The following KIF26B variants were observed in gnomAD, a reference collection of about 807,000 sequenced individuals.
KIF26B encodes the protein kinesin-like protein KIF26B.
A neutral mutation model predicts 151.2 loss-of-function variants in KIF26B; 63 were observed. The observed-to-expected ratio is 0.42, with a 90% CI of 0.34 to 0.51. The LOEUF (loss-of-function observed/expected upper bound fraction) is 0.51. Ranked by LOEUF, KIF26B falls within the 20% of genes least tolerant of loss-of-function variation. KIF26B has a pLI of 0.07. For synonymous variants in KIF26B, 1,357 were observed against 1,262.1 expected, an observed-to-expected ratio of 1.08 and a Z score of -1.59; for missense variants, 2,813 against 2,913.6, an observed-to-expected ratio of 0.97 and a Z score of 0.79.
At chr1:245,612,172 C>T (rs1028452412) in intron 9 of KIF26B, among the ~76,000 whole-genome samples, 196 bp downstream of exon 9, 17 of 151,810 alleles carry the variant, frequency 1.1e-4, no homozygotes, top group South Asian at 4.2e-4. Context: ...TGCAGTGGCA[C>T]GATCACAGCT....
In KIF26B at chr1:245,377,071, C is replaced by T. The variant is rs111691945; in HGVS notation, c.999+9704C>T. Among the ~76,000 whole-genome samples, 514 of 152,078 alleles carry T rather than the reference C, an allele frequency of 3.4e-3. 1 individual carries two copies. The highest frequency in any genetic ancestry group is 0.011 in the African/African-American group (477 of 41,482). On this transcript the variant is annotated intron_variant, in intron 3 of 14. Transcript: ENST00000407071. ...CTGAGATTACAGGCACGCATCACCACGCCTGGCTAATTTTTGTACTTTTAG... is the reference window on the plus strand; with the variant it reads ...CTGAGATTACAGGCACGCATCACCATGCCTGGCTAATTTTTGTACTTTTAG...
At chr1:245,169,535 C>A (rs954052587) in intron 2 of KIF26B, among the ~76,000 whole-genome samples, 4 of 152,034 alleles carry the variant, frequency 2.6e-5, no homozygotes, top group African/African-American at 7.3e-5. Flanking sequence ...GATGGCTGAC[C>A]CTCTCGGCAG....
rs561325521 is a variant in KIF26B at position 245,205,627 on chromosome 1, A to G, written c.465+48944A>G. On this transcript the variant is annotated intron_variant, in intron 2 of 14. Coordinates refer to ENST00000407071, the MANE Select transcript of KIF26B (RefSeq NM_018012.4). Reference sequence around the variant, plus strand: ...AATCTTCCTGTGTAAAACTACTTCCATGATGTTCCTGCCACAGGATTTCGT... The same window carrying G: ...AATCTTCCTGTGTAAAACTACTTCCGTGATGTTCCTGCCACAGGATTTCGT... 3.9e-5 allele frequency among the ~76,000 whole-genome samples: 6 copies of G among 152,136 alleles called. No individual in the cohort carries two copies. In the South Asian group the frequency reaches 8.3e-4, roughly 21 times the overall value.
intron 4 of KIF26B, among the ~76,000 whole-genome samples, chr1:245,436,267 T>C (rs898162524): frequency 2.6e-5 from 4 of 152,150 alleles, no homozygotes; most frequent in African/African-American, 9.7e-5. Flanking sequence ...AGTTGGGAGA[T>C]TCTGCCAATG....
At chr1:245,539,708 A>G (rs1036442140) in intron 4 of KIF26B, among the ~76,000 whole-genome samples, 2 of 152,162 alleles carry the variant, frequency 1.3e-5, no homozygotes, top group Admixed American at 1.3e-4. Flanking sequence ...CCTGGAGAGC[A>G]GTGGCGCTAT....
chr1:245,663,459 T>C (rs1460205965), intron 10 of KIF26B, among the ~76,000 whole-genome samples: 1 of 152,180 alleles, frequency 6.6e-6, no homozygotes, highest in Non-Finnish European at 1.5e-5. Flanking sequence ...TTGTTGTTTA[T>C]TTGTGATCTA....
At chr1:245,203,100 A>C (rs1669333909) in intron 2 of KIF26B, among the ~76,000 whole-genome samples, 1 of 151,608 alleles carries the variant, frequency 6.6e-6, no homozygotes, top group Non-Finnish European at 1.5e-5. Context: ...TACAAAAATT[A>C]GCCAGGCATG....
chr1:245,638,377 T>C (rs896264319), intron 9 of KIF26B, among the ~76,000 whole-genome samples: 15 of 151,940 alleles, frequency 9.9e-5, no homozygotes, highest in Non-Finnish European at 2.2e-4. Context: ...AAAAGTTTTT[T>C]GGTGGAATCT....
chr1:245,395,097 T>C (rs990089925), intron 3 of KIF26B, among the ~76,000 whole-genome samples: 7 of 137,618 alleles, frequency 5.1e-5, no homozygotes, highest in Non-Finnish European at 1.1e-4. Context: ...CGCCTATGTC[T>C]GCAATATTAT....
intron 4 of KIF26B, among the ~76,000 whole-genome samples, chr1:245,493,480 A>C (rs913009469): frequency 3.9e-5 from 6 of 152,280 alleles, no homozygotes; most frequent in African/African-American, 1.4e-4. Context: ...ATTCCAGTTA[A>C]ACTCTGCCGT....
At chr1:245,514,506 C>T (rs1029143149) in intron 4 of KIF26B, among the ~76,000 whole-genome samples, 8 of 151,474 alleles carry the variant, frequency 5.3e-5, no homozygotes, top group Non-Finnish European at 7.4e-5. Flanking sequence ...CCAGCCTGGG[C>T]GACAGAGTAA....
At chr1:245,251,354 T>C (rs1049299487) in intron 2 of KIF26B, among the ~76,000 whole-genome samples, 1 of 152,252 alleles carries the variant, frequency 6.6e-6, no homozygotes, top group Non-Finnish European at 1.5e-5. Context: ...TCTAACTTTC[T>C]AATTTTAACT....
chr1:245,631,775 A>AT (rs1402359822), intron 9 of KIF26B, among the ~76,000 whole-genome samples: 2 of 151,938 alleles, frequency 1.3e-5, no homozygotes, highest in South Asian at 2.1e-4. Flanking sequence ...ATTTGTTCAG[A>AT]TTTTTTTATT....
At chr1:245,464,549 G>C (rs1659729492) in intron 4 of KIF26B, among the ~76,000 whole-genome samples, 1 of 149,298 alleles carries the variant, frequency 6.7e-6, no homozygotes, top group Non-Finnish European at 1.5e-5. Context: ...GTGTGCGTGG[G>C]TGTGTTCCTG....
chr1:245,590,006 C>T (rs562321527), intron 5 of KIF26B, among the ~76,000 whole-genome samples: 88 of 152,316 alleles, frequency 5.8e-4, no homozygotes, highest in African/African-American at 2.0e-3. Flanking sequence ...TCTGCGTCTG[C>T]AGACGCAGCA....
At chr1:245,374,136 T>TATATATATATATATAC (rs1297569545) in intron 3 of KIF26B, among the ~76,000 whole-genome samples, 6 of 84,092 alleles carry the variant, frequency 7.1e-5, no homozygotes, top group African/African-American at 2.6e-4. Flanking sequence ...TATATATATA[T>TATATATATATATATAC]ATGGGCACAA....
chr1:245,579,601 G>A (rs1280154439), intron 5 of KIF26B, among the ~76,000 whole-genome samples: 2 of 152,270 alleles, frequency 1.3e-5, no homozygotes, highest in African/African-American at 4.8e-5. Flanking sequence ...CCTGAGGTCG[G>A]GAGTTCCAGA....
intron 4 of KIF26B, among the ~76,000 whole-genome samples, chr1:245,511,348 A>G (rs1660833615): frequency 6.6e-6 from 1 of 152,204 alleles, no homozygotes; most frequent in Admixed American, 6.5e-5. Flanking sequence ...CAAACTACCG[A>G]CATAGAAGCT....
At chr1:245,478,556 T>G (rs1206519235) in intron 4 of KIF26B, among the ~76,000 whole-genome samples, 1 of 149,916 alleles carries the variant, frequency 6.7e-6, no homozygotes, top group Non-Finnish European at 1.5e-5. Context: ...GCCTCCCGAG[T>G]AGCTGGGACT....
Sources: gnomAD v4.1 joint callset for allele counts (sites outside exome capture counted in the v4.1 genomes callset) on GRCh38, gnomAD v4.1.1 for gene constraint, MANE v1.5 for transcripts, NCBI Gene and HGNC (gene_info 2026-07-23, HGNC 2026-07-21) for gene names.